The following MCTP1 variants were observed in gnomAD, a reference collection of about 807,000 sequenced individuals.
MCTP1 encodes multiple C2 and transmembrane domain-containing protein 1.
In MCTP1, 69 loss-of-function variants were observed where a neutral mutation model predicts 120.6. That is an observed-to-expected ratio of 0.57 (90% CI 0.47 to 0.70). The LOEUF (loss-of-function observed/expected upper bound fraction) is 0.70. MCTP1 is among the 30% of genes least tolerant of loss of function. MCTP1 has a pLI of 0.00. For missense variants in MCTP1, 1,203 were observed against 1,248.8 expected, an observed-to-expected ratio of 0.96 and a Z score of 0.55; for synonymous variants, 529 against 493.1, an observed-to-expected ratio of 1.07 and a Z score of -0.96.
intron 1 of MCTP1, among the ~76,000 whole-genome samples, chr5:95,188,437 T>C (rs1216697244): frequency 6.6e-6 from 1 of 152,212 alleles, no homozygotes; most frequent in African/African-American, 2.4e-5. Context: ...AACTTATCTT[T>C]ACACAAAAAC....
chr5:94,723,068 A>T (rs551918754), intron 19 of MCTP1, among the ~76,000 whole-genome samples: 115 of 151,958 alleles, frequency 7.6e-4, no homozygotes, highest in African/African-American at 2.3e-3. Context: ...TTTCAGATAT[A>T]AAAAAAACAT....
At chr5:94,842,026 G>A (rs1791156591) in intron 17 of MCTP1, among the ~76,000 whole-genome samples, 1 of 152,176 alleles carries the variant, frequency 6.6e-6, no homozygotes, top group South Asian at 2.1e-4. Context: ...ACATTGAAAA[G>A]TTCCCACCAA....
At chr5:95,167,292 T>A (rs1300517798) in intron 1 of MCTP1, among the ~76,000 whole-genome samples, 1 of 152,232 alleles carries the variant, frequency 6.6e-6, no homozygotes, top group African/African-American at 2.4e-5. Context: ...CCACATTTTC[T>A]TAATCCAGTC....
At chr5:95,124,200 A>G (rs1305096392) in intron 1 of MCTP1, among the ~76,000 whole-genome samples, 1 of 152,208 alleles carries the variant, frequency 6.6e-6, no homozygotes, top group Non-Finnish European at 1.5e-5. Flanking sequence ...ATGAAGGTTT[A>G]AGATGAATTT....
At chr5:95,087,783 C>A (rs1236960313) in intron 1 of MCTP1, among the ~76,000 whole-genome samples, 2 of 152,040 alleles carry the variant, frequency 1.3e-5, no homozygotes, top group Non-Finnish European at 2.9e-5. Flanking sequence ...TTCATTATAC[C>A]CATGGGTCTG....
chr5:94,766,267 A>C (rs1039471373), intron 19 of MCTP1, among the ~76,000 whole-genome samples: 2 of 152,172 alleles, frequency 1.3e-5, no homozygotes, highest in African/African-American at 4.8e-5. Flanking sequence ...AGACTTGGAA[A>C]CAACCCAAAT....
intron 17 of MCTP1, among the ~76,000 whole-genome samples, chr5:94,820,735 C>T (rs1785447198): frequency 6.6e-6 from 1 of 152,154 alleles, no homozygotes; most frequent in Admixed American, 6.5e-5. Flanking sequence ...CTGCCCAGTG[C>T]CTATCAAAAA....
At chr5:94,902,242 C>T (rs372011491) in intron 10 of MCTP1, among the ~76,000 whole-genome samples, 11 of 152,156 alleles carry the variant, frequency 7.2e-5, no homozygotes, top group African/African-American at 2.4e-4. Context: ...AAGAATCTGC[C>T]GAGCCGACAC....
intron 1 of MCTP1, among the ~76,000 whole-genome samples, chr5:95,022,564 A>T (rs1256036388): frequency 6.6e-6 from 1 of 152,188 alleles, no homozygotes; most frequent in East Asian, 1.9e-4. Context: ...GAATTATGCT[A>T]GAGGCTACAA....
intron 1 of MCTP1, among the ~76,000 whole-genome samples, chr5:95,252,827 T>C (rs1757507532): frequency 6.6e-6 from 1 of 152,136 alleles, no homozygotes; most frequent in Non-Finnish European, 1.5e-5. Flanking sequence ...AAAAAGTATC[T>C]AGATAGGGCA....
At chr5:95,008,160 C>T (rs980830288) in intron 2 of MCTP1, among the ~76,000 whole-genome samples, 6 of 152,144 alleles carry the variant, frequency 3.9e-5, no homozygotes, top group Non-Finnish European at 8.8e-5. Context: ...TTCATTATAA[C>T]CTCATTTCCA....
At chr5:95,011,905 G>A (rs1836051918) in intron 2 of MCTP1, among the ~76,000 whole-genome samples, 1 of 151,948 alleles carries the variant, frequency 6.6e-6, no homozygotes. Context: ...ATCAATGTTT[G>A]GGCACTCCCT....
intron 11 of MCTP1, among the ~76,000 whole-genome samples, chr5:94,893,689 G>C (rs1803202926): frequency 6.6e-6 from 1 of 152,156 alleles, no homozygotes; most frequent in Non-Finnish European, 1.5e-5. Context: ...TATCTGCACA[G>C]ACTGATAAGG....
intron 18 of MCTP1, among the ~76,000 whole-genome samples, chr5:94,780,306 G>A (rs1330958464): frequency 6.6e-6 from 1 of 151,348 alleles, no homozygotes; most frequent in East Asian, 1.9e-4. Flanking sequence ...TTCTATTGGT[G>A]TACACTTTAA....
intron 1 of MCTP1, among the ~76,000 whole-genome samples, chr5:95,217,477 T>C (rs981960007): frequency 6.6e-6 from 1 of 152,206 alleles, no homozygotes; most frequent in Non-Finnish European, 1.5e-5. Context: ...AAAGATGTAG[T>C]GGGAGGCTTT....
At chr5:94,724,152 T>A (rs80078995) in intron 19 of MCTP1, among the ~76,000 whole-genome samples, 16,603 of 152,244 alleles carry the variant, frequency 0.11, 1,073 homozygotes, top group East Asian at 0.29. Context: ...AAATATTTTT[T>A]AATAAATGTA....
chr5:95,153,059 T>C (rs540334548), intron 1 of MCTP1, among the ~76,000 whole-genome samples: 7 of 152,190 alleles, frequency 4.6e-5, no homozygotes, highest in Non-Finnish European at 1.0e-4. Context: ...TAGTAATCAT[T>C]ATTGATATGC....
chr5:95,068,947 A>G (rs985228190), intron 1 of MCTP1: 4 of 290,736 alleles, frequency 1.4e-5, no homozygotes, highest in Non-Finnish European at 2.2e-5. Context: ...GAAGATTGTG[A>G]GCAGGTATCT....
chr5:94,737,494 T>A (rs1412721530), intron 19 of MCTP1, among the ~76,000 whole-genome samples: 2 of 152,170 alleles, frequency 1.3e-5, no homozygotes. Flanking sequence ...GTTTCTTGAG[T>A]GAGTACTGAA....
Sources: gnomAD v4.1 joint callset for allele counts (sites outside exome capture counted in the v4.1 genomes callset) on GRCh38, gnomAD v4.1.1 for gene constraint, MANE v1.5 for transcripts, NCBI Gene and HGNC (gene_info 2026-07-23, HGNC 2026-07-21) for gene names.